POLA1: variants seen among roughly 807,000 people sequenced by gnomAD.
POLA1 encodes the protein DNA polymerase alpha catalytic subunit.
Under a neutral mutation model 124.0 loss-of-function variants are expected in POLA1, and 15 were observed. That is an observed-to-expected ratio of 0.12 (90% CI 0.08 to 0.19). POLA1 has a LOEUF of 0.19. Among genes scored for constraint, POLA1 ranks in the 10% least tolerant of loss-of-function variants. The pLI, the probability that POLA1 is intolerant of heterozygous loss-of-function variation, is 1.00. For missense variants in POLA1, 886 were observed against 1,103.4 expected (o/e 0.80, Z 2.79); for synonymous variants, 408 against 389.4 (o/e 1.05, Z -0.56).
chrX:24,901,723 G>A (rs1415537693), intron 35 of POLA1, among the ~76,000 whole-genome samples: 1 of 111,381 alleles, frequency 9.0e-6, no homozygotes, highest in Admixed American at 9.5e-5. Flanking sequence ...AAACTGATAG[G>A]AGTTGCTACT....
At chrX:24,710,291 C>T (rs1322621917) in intron 4 of POLA1, among the ~76,000 whole-genome samples, 1 of 111,563 alleles carries the variant, frequency 9.0e-6, no homozygotes, top group Non-Finnish European at 1.9e-5. Context: ...CTCTCTTCCC[C>T]CAGAGCCTGA....
chrX:24,903,605 G>A (rs2047312591), intron 35 of POLA1, among the ~76,000 whole-genome samples: 1 of 111,931 alleles, frequency 8.9e-6, no homozygotes, highest in Non-Finnish European at 1.9e-5. Flanking sequence ...TGAAGAGATA[G>A]GGTAAAGTAG....
chrX:24,971,098 A>G (rs2048296593), intron 36 of POLA1, among the ~76,000 whole-genome samples: 1 of 112,642 alleles, frequency 8.9e-6, no homozygotes, highest in East Asian at 2.8e-4. Flanking sequence ...TTAGTCCAGA[A>G]GGTTTGTGAC....
intron 36 of POLA1, among the ~76,000 whole-genome samples, chrX:24,995,216 C>T (rs1452183905): frequency 1.8e-5 from 2 of 111,698 alleles, no homozygotes; most frequent in African/African-American, 6.5e-5. Flanking sequence ...ACCCTGAGTT[C>T]ACACAGTGTG....
chrX:24,981,766 T>G (rs910849517), intron 36 of POLA1, among the ~76,000 whole-genome samples: 1 of 112,363 alleles, frequency 8.9e-6, no homozygotes, highest in African/African-American at 3.2e-5. Context: ...TTATATTTGG[T>G]GGTAAATAAA....
intron 11 of POLA1, 142 bp from the exon 12 acceptor site, chrX:24,724,193 T>C: frequency 2.5e-6 from 1 of 394,899 alleles, no homozygotes; most frequent in Non-Finnish European, 4.4e-6. Context: ...TTTGTATCTT[T>C]GAACTTATCT....
chrX:24,814,875 C>T (rs2045966003), intron 29 of POLA1, 104 bp from the exon 30 acceptor site: 3 of 746,524 alleles, frequency 4.0e-6, no homozygotes, highest in African/African-American at 2.2e-5. Flanking sequence ...ATGTTAACCA[C>T]ATGTTAATCT....
At chrX:24,759,506 G>GGTAAATATA (rs1354611831) in intron 26 of POLA1, among the ~76,000 whole-genome samples, 1 of 111,775 alleles carries the variant, frequency 8.9e-6, no homozygotes, top group Non-Finnish European at 1.9e-5. Context: ...GGGTAGATAG[G>GGTAAATATA]GAAGTGGTAT....
At chrX:24,972,535 T>C (rs924008950) in intron 36 of POLA1, among the ~76,000 whole-genome samples, 1 of 111,903 alleles carries the variant, frequency 8.9e-6, no homozygotes. Flanking sequence ...TGCACAAGTC[T>C]AGCAACCTGA....
At chrX:24,950,807 GTT>G (rs1196148614) in intron 36 of POLA1, among the ~76,000 whole-genome samples, 2 of 111,852 alleles carry the variant, frequency 1.8e-5, no homozygotes. Context: ...CTTCCCTGGT[GTT>G]TTTTATTTTC....
At chrX:24,792,458 G>A (rs2045519324) in intron 26 of POLA1, among the ~76,000 whole-genome samples, 1 of 112,215 alleles carries the variant, frequency 8.9e-6, no homozygotes, top group Admixed American at 9.4e-5. Context: ...GCTACTTGTG[G>A]AAAATAATCT....
intron 35 of POLA1, among the ~76,000 whole-genome samples, chrX:24,919,753 G>A (rs2047583643): frequency 9.7e-6 from 1 of 103,211 alleles, no homozygotes; most frequent in South Asian, 4.6e-4. Context: ...TAGGTATTAA[G>A]CCCAACACGC....
intron 35 of POLA1, among the ~76,000 whole-genome samples, chrX:24,899,212 C>T (rs1309340283): frequency 1.8e-5 from 2 of 111,574 alleles, no homozygotes; most frequent in East Asian, 5.6e-4. Flanking sequence ...ATTAGATAAG[C>T]TTTATATATT....
chrX:24,966,486 T>C (rs2048224807), intron 36 of POLA1, among the ~76,000 whole-genome samples: 1 of 110,416 alleles, frequency 9.1e-6, no homozygotes, highest in African/African-American at 3.4e-5. Context: ...AAGTCCTTAT[T>C]TTAAGATTAA....
At chrX:24,821,348 A>T (rs1474568920) in intron 30 of POLA1, 104 bp from the exon 31 acceptor site, 1 of 567,537 alleles carries the variant, frequency 1.8e-6, no homozygotes, top group Non-Finnish European at 2.6e-6. Flanking sequence ...GTCATTTTTT[A>T]TGTTTATGTG....
intron 36 of POLA1, 149 bp from the exon 37 acceptor site, chrX:24,995,656 C>T (rs761767095): frequency 6.2e-5 from 30 of 481,996 alleles, no homozygotes; most frequent in Non-Finnish European, 8.4e-5. Flanking sequence ...GAATGGTCGG[C>T]GGGGGCTGCA....
intron 18 of POLA1, 75 bp downstream of exon 18, chrX:24,735,563 TTTTG>T: frequency 1.7e-6 from 1 of 589,103 alleles, no homozygotes; most frequent in Non-Finnish European, 2.9e-6. Context: ...TTATTGGTGC[TTTTG>T]AGCAGCAAAT....
At chrX:24,859,286 A>G (rs1011238301) in intron 34 of POLA1, among the ~76,000 whole-genome samples, 5 of 111,456 alleles carry the variant, frequency 4.5e-5, no homozygotes, top group African/African-American at 1.6e-4. Flanking sequence ...CAGATTTGGG[A>G]GCACTGCATT....
At chrX:24,884,630 C>T (rs2047042517) in intron 34 of POLA1, among the ~76,000 whole-genome samples, 1 of 111,991 alleles carries the variant, frequency 8.9e-6, no homozygotes, top group African/African-American at 3.2e-5. Context: ...TTAAAATACA[C>T]CATGACCAAA....
Sources: gnomAD v4.1 joint callset for allele counts (sites outside exome capture counted in the v4.1 genomes callset) on GRCh38, gnomAD v4.1.1 for gene constraint, MANE v1.5 for transcripts, NCBI Gene and HGNC (gene_info 2026-07-23, HGNC 2026-07-21) for gene names.